Variants in OSBPL3 observed in about 807,000 individuals in gnomAD.
The protein encoded by OSBPL3 is oxysterol-binding protein-related protein 3.
OSBPL3 carries 65 observed loss-of-function variants against 120.1 expected under a neutral mutation model. The observed-to-expected ratio is 0.54, with a 90% CI of 0.44 to 0.67. OSBPL3 has a LOEUF of 0.67. OSBPL3 is among the 30% of genes least tolerant of loss of function. The probability of loss-of-function intolerance (pLI) is 0.00; values close to 1 mark genes in which losing one functional copy is unlikely to be tolerated. For missense variants in OSBPL3, 1,004 were observed against 1,082.1 expected (o/e 0.93, Z 1.01); for synonymous variants, 416 against 402.6 (o/e 1.03, Z -0.40).
intron 1 of OSBPL3, among the ~76,000 whole-genome samples, chr7:24,919,473 G>A (rs539182721): frequency 5.9e-4 from 89 of 152,110 alleles, no homozygotes; most frequent in African/African-American, 2.1e-3. Context: ...AAATAATAAA[G>A]TTGGGCCCCC....
chr7:24,859,823 G>C (rs1165648832), intron 10 of OSBPL3, among the ~76,000 whole-genome samples: 2 of 152,076 alleles, frequency 1.3e-5, no homozygotes, highest in Admixed American at 1.3e-4. Context: ...ATGTTAAGTA[G>C]CTCTCATTAT....
intron 16 of OSBPL3, among the ~76,000 whole-genome samples, chr7:24,829,751 T>C (rs544772659): frequency 2.4e-4 from 36 of 152,298 alleles, no homozygotes; most frequent in African/African-American, 8.7e-4. Context: ...TTAATAAAAT[T>C]TCTTTCTGCA....
chr7:24,889,578 T>C (rs555936943), intron 2 of OSBPL3, among the ~76,000 whole-genome samples: 1 of 152,230 alleles, frequency 6.6e-6, no homozygotes, highest in South Asian at 2.1e-4. Flanking sequence ...CTTTCATTTG[T>C]CATTTATTAG....
chr7:24,943,836 C>T (rs2710994), intron 1 of OSBPL3, among the ~76,000 whole-genome samples: 43,092 of 151,968 alleles, frequency 0.28, 7,960 homozygotes, highest in East Asian at 0.78. Flanking sequence ...ATAGATATGC[C>T]TTCGGTTGGT....
Position 24,932,040 on chromosome 7 carries a change from T to A in OSBPL3, c.-149-39419A>T, listed in dbSNP as rs1811855084. Among the ~76,000 whole-genome samples, 1 of 151,832 alleles carries A rather than the reference T, an allele frequency of 6.6e-6. No individual in the cohort carries two copies. The highest frequency in any genetic ancestry group is 2.4e-5 in the African/African-American group (1 of 41,278). ...GATCTGTAAAACAAAACATGTAGACTAGATGAATGATAATCTCTCCTTAAC... is the reference window on the plus strand; with the variant it reads ...GATCTGTAAAACAAAACATGTAGACAAGATGAATGATAATCTCTCCTTAAC... On this transcript the variant is annotated intron_variant, in intron 1 of 22. Transcript: ENST00000313367. This position sits in a 1 kb window ranked among gnomAD's most constrained non-coding sequence, Gnocchi z 5.6.
At chr7:24,848,227 G>T (rs969657735) in intron 12 of OSBPL3, among the ~76,000 whole-genome samples, 15 of 152,148 alleles carry the variant, frequency 9.9e-5, no homozygotes, top group African/African-American at 3.6e-4. Context: ...AAAGAAGGAC[G>T]AAACACTATG....
intron 5 of OSBPL3, among the ~76,000 whole-genome samples, chr7:24,869,921 G>A (rs1371597167): frequency 6.6e-6 from 1 of 152,192 alleles, no homozygotes; most frequent in African/African-American, 2.4e-5. Flanking sequence ...GCCCAAGTAA[G>A]AAAACAGTCT....
intron 1 of OSBPL3, among the ~76,000 whole-genome samples, chr7:24,960,453 T>C (rs954828022): frequency 6.6e-6 from 1 of 152,166 alleles, no homozygotes; most frequent in African/African-American, 2.4e-5. Context: ...GAAATAAATG[T>C]GGAAGCTGGA....
chr7:24,980,996 C>T (rs1348371061), upstream of OSBPL3, among the ~76,000 whole-genome samples: 1 of 152,056 alleles, frequency 6.6e-6, no homozygotes, highest in East Asian at 1.9e-4. Flanking sequence ...TCGAGTGCCG[C>T]AGGTGGCGGG....
chr7:24,806,920 C>A lies in OSBPL3; in HGVS notation c.2318-18G>T, dbSNP rs1485166598. The A allele has an allele frequency of 3.1e-5, 50 of 1,598,556 alleles. No individual in the cohort carries two copies. The highest frequency in any genetic ancestry group is 4.0e-5 in the Non-Finnish European group (47 of 1,170,976). On this transcript the variant is annotated intron_variant, in intron 20 of 22. Transcript: ENST00000313367. The surrounding 1 kb of genome is among the most constrained non-coding windows in gnomAD (Gnocchi z 5.2). ...CATAGGATCTAAGAAGAAAATAAAT[C>A]ATTCACCCCTAACTTGCATGTTACT...
chr7:24,821,030 C>A lies in OSBPL3; in HGVS notation c.1885-792G>T, dbSNP rs1394594664. Among the ~76,000 whole-genome samples, 1 of 152,210 alleles carries A rather than the reference C, an allele frequency of 6.6e-6. No homozygotes were observed. The highest frequency in any genetic ancestry group is 1.5e-5 in the Non-Finnish European group (1 of 68,042). Reference sequence around the variant, plus strand: ...GCTGAAGAGAAAATGGCTCCTCCCTCTATTTCCTCATCTCAGTCACACTCA... The same window carrying A: ...GCTGAAGAGAAAATGGCTCCTCCCTATATTTCCTCATCTCAGTCACACTCA... On this transcript the variant is annotated intron_variant, in intron 16 of 22. Transcript: ENST00000313367. The surrounding 1 kb of genome is among the most constrained non-coding windows in gnomAD (Gnocchi z 5.5).
In OSBPL3 at chr7:24,952,454, G is replaced by A. The variant is rs1410349143; in HGVS notation, c.-150+27432C>T. Among the ~76,000 whole-genome samples, 1 of 152,078 alleles carries A rather than the reference G, an allele frequency of 6.6e-6. No homozygotes were observed. Among genetic ancestry groups the A allele is most frequent in the Non-Finnish European group, 1.5e-5 (1 of 68,022 alleles). ...ACCGAAACCTCAGAAACCTCAGAAG[G>A]TATGGTCTAATCTAACATGTCTAAA... On this transcript the variant is annotated intron_variant, in intron 1 of 22. Coordinates refer to ENST00000313367, the MANE Select transcript of OSBPL3 (RefSeq NM_015550.4). This position sits in a 1 kb window ranked among gnomAD's most constrained non-coding sequence, Gnocchi z 4.4.
rs755472130 is a variant in OSBPL3, at chr7:24,863,590, T to C, written c.683A>G (p.His228Arg). 4 of 1,612,318 alleles carry C rather than the reference T, an allele frequency of 2.5e-6. No homozygotes were observed. Among genetic ancestry groups the C allele is most frequent in the Non-Finnish European group, 1.7e-6 (2 of 1,178,340 alleles). The change falls in exon 8 of 23, where the codon CAC becomes CGC. Residue 228 changes from histidine to arginine, a missense_variant. By Grantham distance (29) the His-to-Arg change is conservative. This residue lies in a region of OSBPL3 where 272 missense variants were observed against 248.8 expected (regional missense o/e 1.09). Transcript: ENST00000313367. This position sits in a 1 kb window ranked among gnomAD's most constrained non-coding sequence, Gnocchi z 5.8. Reference sequence around the variant, plus strand: ...CATTTCTACCAGGTAGGCATGACAGTGCGCCAGGTCTGTGGGGGAAAAGAG... The same window carrying C: ...CATTTCTACCAGGTAGGCATGACAGCGCGCCAGGTCTGTGGGGGAAAAGAG... ...DMEKCSKDLAHCHAYLVEMSQ... is the reference protein window; with the variant it reads ...DMEKCSKDLARCHAYLVEMSQ...
chr7:24,809,852 T>A lies in OSBPL3; in HGVS notation c.2272A>T (p.Ile758Phe), dbSNP rs757559546. ...GAAGAGGAGCCGCCGCCACAGTAGA[T>A]GCTTTCATGCCATTTCCCAAACAGC... ...HRLFGKWHESIYCGGGSSSAC... is the reference protein window; with the variant it reads ...HRLFGKWHESFYCGGGSSSAC... Residue 758 changes from isoleucine (I) to phenylalanine (F), a missense_variant, in exon 20 of 23, where the codon ATC (isoleucine) becomes TTC (phenylalanine). Physicochemically the swap from Ile to Phe is conservative, Grantham distance 21 (BLOSUM62 0). This residue lies in a region of OSBPL3 where 473 missense variants were observed against 568.0 expected (regional missense o/e 0.83). Transcript: ENST00000313367. 7 of 1,614,206 alleles carry A rather than the reference T, an allele frequency of 4.3e-6. No homozygotes were observed. The highest frequency in any genetic ancestry group is 2.2e-5 in the South Asian group (2 of 91,084).
chr7:24,895,978 C>G (rs900817870), intron 1 of OSBPL3, among the ~76,000 whole-genome samples: 5 of 152,158 alleles, frequency 3.3e-5, no homozygotes, highest in Admixed American at 3.3e-4. Flanking sequence ...GCCAAAAAGG[C>G]TTCTTGGTCC....
rs1389107245 is a variant in OSBPL3, at chr7:24,854,410, T to C, written c.1028-1776A>G. On this transcript the variant is annotated intron_variant, in intron 10 of 22. Transcript: ENST00000313367. The surrounding 1 kb of genome is among the most constrained non-coding windows in gnomAD (Gnocchi z 4.1). ...CAAGGAGGACAACTAAACCTCTCTA[T>C]ATGTTGTTGCTGAACTTGTCTGAGG... is the stretch of plus-strand genomic sequence containing the variant. 1.3e-5 allele frequency among the ~76,000 whole-genome samples: 2 copies of C among 152,096 alleles called. No individual in the cohort carries two copies. The highest frequency in any genetic ancestry group is 2.1e-4 in the South Asian group (1 of 4,826).
chr7:24,980,140 G>T lies in OSBPL3; in HGVS notation c.-404C>A. The T allele has an allele frequency of 2.8e-6, 2 of 704,830 alleles. No homozygotes were observed. The highest frequency in any genetic ancestry group is 1.9e-5 in the African/African-American group (1 of 51,978). The allele number at this position is 704,830 out of a possible 1,614,324, so 43.7% of individuals were successfully genotyped here. On this transcript the variant is annotated 5_prime_UTR_variant, in exon 1 of 23. The change creates a new upstream start codon in the 5' untranslated region. Coordinates refer to ENST00000313367, the MANE Select transcript of OSBPL3 (RefSeq NM_015550.4). The stretch of plus-strand genomic sequence containing the variant: ...CCGGGCCGGCTGGCGGGCGCCACCA[G>T]CACGCGGCCAGTTCTGAGTACTTTG...
Position 24,849,065 on chromosome 7 carries a change from CCA to C in OSBPL3, c.1266+2_1266+3del. 1.9e-6 allele frequency: 3 copies of C among 1,608,238 alleles called. No individual in the cohort carries two copies. The highest frequency in any genetic ancestry group is 2.6e-6 in the Non-Finnish European group (3 of 1,175,044). ...AGACATTACCAGACGAGAAACCTAC[CCA>C]CCTCTGCCAGATTGTCACCCGACTT... On this transcript the variant is annotated splice_donor_variant and splice_donor_region_variant and intron_variant, in intron 12 of 22. Coordinates refer to ENST00000313367, the MANE Select transcript of OSBPL3 (RefSeq NM_015550.4). LOFTEE classifies it high-confidence loss of function. The surrounding 1 kb of genome is among the most constrained non-coding windows in gnomAD (Gnocchi z 5.4).
chr7:24,977,881 T>C (rs1584782435), intron 1 of OSBPL3, among the ~76,000 whole-genome samples: 1 of 152,176 alleles, frequency 6.6e-6, no homozygotes, highest in East Asian at 1.9e-4. Flanking sequence ...AAAAGAAAAT[T>C]ACAGCTTACT....
Sources: allele counts gnomAD v4.1 joint callset (sites outside exome capture counted in the v4.1 genomes callset), GRCh38; gene constraint gnomAD v4.1.1; regional missense constraint gnomAD v4.1.1; non-coding constraint Gnocchi (gnomAD v3.1); transcripts MANE v1.5; gene names NCBI Gene and HGNC (gene_info 2026-07-23, HGNC 2026-07-21).